The following GCNT1 variants were observed in gnomAD, a reference collection of about 807,000 sequenced individuals.
GCNT1 encodes glucosaminyl (N-acetyl) transferase 1, also known as beta-1,3-galactosyl-O-glycosyl-glycoprotein beta-1,6-N-acetylglucosaminyltransferase.
In GCNT1, 16 loss-of-function variants were observed where a neutral mutation model predicts 26.2. That is an observed-to-expected ratio of 0.61 (90% CI 0.41 to 0.93). The LOEUF (loss-of-function observed/expected upper bound fraction) is 0.93. Among genes scored for constraint, GCNT1 ranks in the 40% least tolerant of loss-of-function variants. The probability of loss-of-function intolerance (pLI) is 0.00; values close to 1 mark genes in which losing one functional copy is unlikely to be tolerated. For missense variants in GCNT1, 477 were observed against 526.7 expected, an observed-to-expected ratio of 0.91 and a Z score of 0.92; for synonymous variants, 183 against 190.8, an observed-to-expected ratio of 0.96 and a Z score of 0.34.
chr9:76,439,064 A>G (rs1438450924), upstream of GCNT1, among the ~76,000 whole-genome samples: 1 of 152,190 alleles, frequency 6.6e-6, no homozygotes, highest in Non-Finnish European at 1.5e-5. Context: ...ACATGAAAGT[A>G]GGAAATAATT....
the GCNT1 span, chr9:76,394,466 G>A: frequency 3.3e-6 from 1 of 304,696 alleles, no homozygotes; most frequent in Non-Finnish European, 6.1e-6. Flanking sequence ...GCGGCCCGAA[G>A]CGCAGAGCCG....
At chr9:76,413,973 C>T in the GCNT1 span, among the ~76,000 whole-genome samples, 1 of 152,034 alleles carries the variant, frequency 6.6e-6, no homozygotes, top group South Asian at 2.1e-4. Context: ...TTTTCCTCAG[C>T]CATGTGCAAT....
At chr9:76,443,953 GGA>G (rs1823527518) in intron 1 of GCNT1, among the ~76,000 whole-genome samples, 1 of 77,664 alleles carries the variant, frequency 1.3e-5, no homozygotes, top group African/African-American at 4.4e-5. Flanking sequence ...AAGGAAGGAA[GGA>G]AGGAAGGAAG....
At chr9:76,411,041 A>T in the GCNT1 span, among the ~76,000 whole-genome samples, 1 of 152,194 alleles carries the variant, frequency 6.6e-6, no homozygotes, top group African/African-American at 2.4e-5. Flanking sequence ...AGCATGGAAT[A>T]TCTTTCTCCA....
intron 1 of GCNT1, among the ~76,000 whole-genome samples, chr9:76,454,095 T>C (rs1197649466): frequency 6.6e-6 from 1 of 152,054 alleles, no homozygotes; most frequent in Non-Finnish European, 1.5e-5. Context: ...AAAGAACCAG[T>C]ATCGGCTGAG....
At chr9:76,496,673 C>G (rs954668945) in intron 2 of GCNT1, among the ~76,000 whole-genome samples, 1 of 152,126 alleles carries the variant, frequency 6.6e-6, no homozygotes, top group East Asian at 1.9e-4. Context: ...ACTAGCTTTC[C>G]TTCTTATTGA....
At chr9:76,431,222 C>T (rs1314015543) in intron 1 of GCNT1, among the ~76,000 whole-genome samples, 1 of 152,180 alleles carries the variant, frequency 6.6e-6, no homozygotes, top group Non-Finnish European at 1.5e-5. Flanking sequence ...AGTTCTGACA[C>T]TAACCACATG....
upstream of GCNT1, among the ~76,000 whole-genome samples, chr9:76,416,696 T>A (rs1823136236): frequency 6.6e-6 from 1 of 152,246 alleles, no homozygotes; most frequent in Admixed American, 6.5e-5. Flanking sequence ...CACTATGGCA[T>A]AAATTCTTCT....
At chr9:76,437,957 G>A (rs904416228), upstream of GCNT1, among the ~76,000 whole-genome samples, 5 of 152,224 alleles carry the variant, frequency 3.3e-5, no homozygotes, top group African/African-American at 9.7e-5. Flanking sequence ...TTGGAAAGTG[G>A]TACTTACTTT....
Position 76,491,550 on chromosome 9 carries a change from T to C in GCNT1, c.-289-9366T>C, listed in dbSNP as rs559560703. ...GTTTTAAGGCTCGGGTAAGTGCCACTGGTTCTGCTAACTGGGCGCTGGTCC... is the reference window on the plus strand; with the variant it reads ...GTTTTAAGGCTCGGGTAAGTGCCACCGGTTCTGCTAACTGGGCGCTGGTCC... On this transcript the variant is annotated intron_variant, in intron 2 of 3. Coordinates refer to ENST00000376730, the MANE Select transcript of GCNT1 (RefSeq NM_001490.5). 3.3e-5 allele frequency among the ~76,000 whole-genome samples: 5 copies of C among 152,376 alleles called. No individual in the cohort carries two copies. In the South Asian group the frequency reaches 1.0e-3, roughly 32 times the overall value.
intron 2 of GCNT1, among the ~76,000 whole-genome samples, chr9:76,486,794 G>A (rs1225589511): frequency 1.3e-5 from 2 of 152,106 alleles, no homozygotes; most frequent in African/African-American, 4.8e-5. Context: ...GAAAGAATAG[G>A]GCTGGGTGCA....
At chr9:76,485,880 G>A (rs552966607) in intron 2 of GCNT1, among the ~76,000 whole-genome samples, 8 of 152,174 alleles carry the variant, frequency 5.3e-5, no homozygotes, top group East Asian at 3.9e-4. Flanking sequence ...TTACAGGTGT[G>A]CGCCACCACA....
chr9:76,422,260 A>G (rs1258350372), intron 1 of GCNT1, among the ~76,000 whole-genome samples: 2 of 152,094 alleles, frequency 1.3e-5, no homozygotes, highest in African/African-American at 4.8e-5. Flanking sequence ...CAGCCACACC[A>G]TATCAGCCAT....
the GCNT1 span, among the ~76,000 whole-genome samples, chr9:76,401,798 G>A: frequency 2.0e-5 from 3 of 152,162 alleles, 1 homozygote; most frequent in Non-Finnish European, 4.4e-5. Context: ...GGGAGGCTGA[G>A]GCCAGAGGAT....
chr9:76,458,170 G>A (rs1044827311), upstream of GCNT1, among the ~76,000 whole-genome samples: 2 of 131,642 alleles, frequency 1.5e-5, no homozygotes, highest in Admixed American at 8.1e-5. Flanking sequence ...TGGCCTCTGA[G>A]TTGGATTTTT....
upstream of GCNT1, chr9:76,459,095 C>T (rs1181606777): frequency 2.0e-5 from 3 of 152,390 alleles, no homozygotes; most frequent in African/African-American, 7.2e-5. Flanking sequence ...AGTCCCCAGC[C>T]CCGAGCTCGC....
intron 1 of GCNT1, among the ~76,000 whole-genome samples, chr9:76,448,217 C>T (rs1364162734): frequency 6.6e-6 from 1 of 152,244 alleles, no homozygotes; most frequent in African/African-American, 2.4e-5. Context: ...TCTGGGAGCC[C>T]GAGGCAGGCG....
At chr9:76,467,558 G>A (rs985091209) in intron 2 of GCNT1, among the ~76,000 whole-genome samples, 9 of 152,122 alleles carry the variant, frequency 5.9e-5, no homozygotes, top group Non-Finnish European at 8.8e-5. Context: ...AGGGGGACTC[G>A]TTATTGGTCC....
rs191433186 is a variant in GCNT1, at chr9:76,497,360, C to T, written c.-289-3556C>T. On this transcript the variant is annotated intron_variant, in intron 2 of 3. Coordinates refer to ENST00000376730, the MANE Select transcript of GCNT1 (RefSeq NM_001490.5). ...TCCTTTCACCCTTCTGATTCTTAGC[C>T]GAGTTTTACTTAAGAAAACGTTGTA... Among the ~76,000 whole-genome samples the T allele has an allele frequency of 2.9e-4, 44 of 152,238 alleles. No individual in the cohort carries two copies. The East Asian group carries it at 5.4e-3, about 19-fold the overall frequency.
Sources: allele counts gnomAD v4.1 joint callset (sites outside exome capture counted in the v4.1 genomes callset), GRCh38; gene constraint gnomAD v4.1.1; transcripts MANE v1.5; gene names NCBI Gene and HGNC (gene_info 2026-07-23, HGNC 2026-07-21).